Variants in SH3TC1 observed in about 807,000 individuals in gnomAD.
SH3TC1 encodes the protein SH3 domain and tetratricopeptide repeat-containing protein 1.
A neutral mutation model predicts 117.3 loss-of-function variants in SH3TC1; 135 were observed. The observed-to-expected ratio is 1.15, with a 90% CI of 1.00 to 1.33. The LOEUF is 1.33. SH3TC1 is among the 40% of genes most tolerant of loss of function. The pLI is 0.00. For missense variants in SH3TC1, 2,092 were observed against 1,794.3 expected (o/e 1.17, Z -3.00); for synonymous variants, 898 against 816.9 (o/e 1.10, Z -1.69).
At chr4:8,214,883 A>C (rs897482141) in intron 5 of SH3TC1, among the ~76,000 whole-genome samples, 1 of 152,114 alleles carries the variant, frequency 6.6e-6, no homozygotes, top group African/African-American at 2.4e-5. Flanking sequence ...ATGGGGTTTC[A>C]CCATGTTGAC....
chr4:8,187,783 CT>C (rs1267714147), intron 1 of SH3TC1, among the ~76,000 whole-genome samples: 1 of 152,144 alleles, frequency 6.6e-6, no homozygotes, highest in Non-Finnish European at 1.5e-5. Context: ...AACTCCTGAC[CT>C]TGTGATCCAC....
intron 13 of SH3TC1, chr4:8,232,363 T>C (rs1451869248): frequency 1.7e-5 from 27 of 1,577,374 alleles, no homozygotes; most frequent in Non-Finnish European, 2.3e-5. Context: ...GCTTCCCTTG[T>C]TGGGTGACAC....
Position 8,225,261 on chromosome 4 carries a change from G to A in SH3TC1, c.1285+45G>A, listed in dbSNP as rs1187879817. ...CAGGCTTCCTCTGGTTATGAGCTGG[G>A]CCTTGGGGTAACGCTGGGGGAGGTG... On this transcript the variant is annotated intron_variant, in intron 11 of 17. Transcript: ENST00000245105. The surrounding 1 kb of genome is among the most constrained non-coding windows in gnomAD (Gnocchi z 5.5). 1 of 1,597,234 alleles carries A rather than the reference G, an allele frequency of 6.3e-7. No homozygotes were observed. The highest frequency in any genetic ancestry group is 8.5e-7 in the Non-Finnish European group (1 of 1,170,810).
rs1467719295 is a variant in SH3TC1, at chr4:8,210,028, C to G, written c.247+206C>G. The stretch of plus-strand genomic sequence containing the variant: ...AGGGGGACATGGCCCCTGGGGCTCC[C>G]CTAGGCATCCCTGTGTGCACCTGCA... On this transcript the variant is annotated intron_variant, in intron 3 of 17. Transcript: ENST00000245105. The surrounding 1 kb of genome is among the most constrained non-coding windows in gnomAD (Gnocchi z 4.1). Among the ~76,000 whole-genome samples the G allele has an allele frequency of 6.6e-6, 1 of 152,188 alleles. No individual in the cohort carries two copies. The highest frequency in any genetic ancestry group is 1.5e-5 in the Non-Finnish European group (1 of 68,018).
chr4:8,231,569 C>A, intron 12 of SH3TC1: 1 of 182,232 alleles, frequency 5.5e-6, no homozygotes. Context: ...GCTTTGAGCC[C>A]CATTCCCCCA....
Position 8,225,112 on chromosome 4 carries a change from C to A in SH3TC1, c.1244-63C>A. 6.3e-7 allele frequency: 1 copy of A among 1,595,768 alleles called. No individual in the cohort carries two copies. Among genetic ancestry groups the A allele is most frequent in the Non-Finnish European group, 8.6e-7 (1 of 1,166,512 alleles). ...CCCTGCAACATCGACACTAGCTCAA[C>A]CTGGCAGGGGACCAGAGGTACTGGC... On this transcript the variant is annotated intron_variant, in intron 10 of 17. Transcript: ENST00000245105. The surrounding 1 kb of genome is among the most constrained non-coding windows in gnomAD (Gnocchi z 5.5).
chr4:8,197,229 G>T (rs975563426), upstream of SH3TC1, among the ~76,000 whole-genome samples: 1 of 152,182 alleles, frequency 6.6e-6, no homozygotes, highest in South Asian at 2.1e-4. Context: ...CCAGAGGCTG[G>T]AGCAGGCAGG....
intron 5 of SH3TC1, chr4:8,215,226 T>G (rs1719140690): frequency 4.4e-6 from 2 of 456,202 alleles, no homozygotes; most frequent in Non-Finnish European, 8.8e-6. Context: ...AAAGCTGTTA[T>G]TTGAAAGCTG....
At chr4:8,185,049 G>T (rs1453763478) in intron 1 of SH3TC1, among the ~76,000 whole-genome samples, 65 of 145,884 alleles carry the variant, frequency 4.5e-4, no homozygotes, top group African/African-American at 1.7e-3. Flanking sequence ...AATATGATTT[G>T]CGTACATAGG....
At chr4:8,189,148 AC>A (rs1717330005) in intron 1 of SH3TC1, among the ~76,000 whole-genome samples, 1 of 152,216 alleles carries the variant, frequency 6.6e-6, no homozygotes, top group Non-Finnish European at 1.5e-5. Context: ...GTTGGCTCCC[AC>A]CTGGCTTGGG....
chr4:8,204,335 C>T (rs903666522), intron 1 of SH3TC1, among the ~76,000 whole-genome samples: 1 of 152,182 alleles, frequency 6.6e-6, no homozygotes, highest in Non-Finnish European at 1.5e-5. Context: ...TTTCACCAAG[C>T]AGGGGCAGCA....
Position 8,209,656 on chromosome 4 carries a change from T to C in SH3TC1, c.173-92T>C. 6.4e-7 allele frequency: 1 copy of C among 1,572,790 alleles called. No individual in the cohort carries two copies. Among genetic ancestry groups the C allele is most frequent in the South Asian group, 1.2e-5 (1 of 86,242 alleles). On this transcript the variant is annotated intron_variant, in intron 2 of 17. Coordinates refer to ENST00000245105, the MANE Select transcript of SH3TC1 (RefSeq NM_018986.5). The surrounding 1 kb of genome is among the most constrained non-coding windows in gnomAD (Gnocchi z 5.9). ...TCGTGCGGGACAGAACTCACCTCTT[T>C]TCTTGCAGAGAGACCTGGAGCGTTT... is the stretch of plus-strand genomic sequence containing the variant.
intron 9 of SH3TC1, among the ~76,000 whole-genome samples, chr4:8,222,520 C>A (rs1022417598): frequency 6.6e-6 from 1 of 151,822 alleles, no homozygotes; most frequent in Admixed American, 6.6e-5. Flanking sequence ...ATTACAGGCT[C>A]ATGCCACCAC....
In SH3TC1 at chr4:8,241,055, C is replaced by T. The variant is rs113195013; in HGVS notation, c.*100C>T. 16 of 1,501,670 alleles carry T rather than the reference C, an allele frequency of 1.1e-5. No homozygotes were observed. Among genetic ancestry groups the T allele is most frequent in the African/African-American group, 9.8e-5 (7 of 71,706 alleles). The allele number at this position is 1,501,670 out of a possible 1,614,324, so 93.0% of individuals were successfully genotyped here. ...ATTTTCTGGCAAATGGAGGCACGAACGCAGGGGCCAAATAGCAATAAATGG... is the reference window on the plus strand; with the variant it reads ...ATTTTCTGGCAAATGGAGGCACGAATGCAGGGGCCAAATAGCAATAAATGG... On this transcript the variant is annotated 3_prime_UTR_variant, in exon 18 of 18. Transcript: ENST00000245105.
chr4:8,231,116 G>C (rs1578735910), intron 12 of SH3TC1: 1 of 152,262 alleles, frequency 6.6e-6, no homozygotes, highest in Admixed American at 6.5e-5. Context: ...TCTCAAATTA[G>C]TTTTCAGTTT....
chr4:8,234,724 A>G (rs569807669), intron 14 of SH3TC1, among the ~76,000 whole-genome samples: 3 of 152,174 alleles, frequency 2.0e-5, no homozygotes, highest in South Asian at 2.1e-4. Flanking sequence ...TCCTCCCCCA[A>G]TGGCCAGCAT....
At chr4:8,232,744 C>T (rs914873094) in intron 13 of SH3TC1, 228 of 1,289,726 alleles carry the variant, frequency 1.8e-4, no homozygotes, top group Admixed American at 2.3e-4. Context: ...CCCTTCGACT[C>T]ACCAAGAGAG....
chr4:8,228,268 C>T lies in SH3TC1; in HGVS notation c.2574C>T (p.Ser858=), dbSNP rs201637071. The T allele has an allele frequency of 1.2e-5, 20 of 1,611,960 alleles. No homozygotes were observed. Among genetic ancestry groups the T allele is most frequent in the Middle Eastern group, 1.7e-4 (1 of 6,056 alleles). ...CTGTCCGGGATGCAGTGGTGGCCAG[C>T]GAGGACCAGGAGGGCGTGATTGCCA... ...LQSVRDAVVA[S]EDQEGVIANM... Residue 858 remains serine, a synonymous_variant, in exon 12 of 18, where the codon AGC becomes AGT. Coordinates refer to ENST00000245105, the MANE Select transcript of SH3TC1 (RefSeq NM_018986.5).
Position 8,216,938 on chromosome 4 carries a change from C to T in SH3TC1, c.629-19C>T, listed in dbSNP as rs1390811506. 9 of 1,613,380 alleles carry T rather than the reference C, an allele frequency of 5.6e-6. No homozygotes were observed. Among genetic ancestry groups the T allele is most frequent in the Non-Finnish European group, 5.9e-6 (7 of 1,179,474 alleles). ...GCCCAGTCCGGCCACCCTCAGTGAC[C>T]ACCTCCATCCTTTTGAAGGGCCCTT... On this transcript the variant is annotated intron_variant, in intron 6 of 17. Coordinates refer to ENST00000245105, the MANE Select transcript of SH3TC1 (RefSeq NM_018986.5).
Sources: gnomAD v4.1 joint callset for allele counts (sites outside exome capture counted in the v4.1 genomes callset) on GRCh38, gnomAD v4.1.1 for gene constraint, Gnocchi (gnomAD v3.1) non-coding constraint, MANE v1.5 for transcripts, NCBI Gene and HGNC (gene_info 2026-07-23, HGNC 2026-07-21) for gene names.